Variants in BRD9 observed in about 807,000 individuals in gnomAD.
BRD9 encodes bromodomain containing 9, also known as bromodomain-containing protein 9.
BRD9 carries 47 observed loss-of-function variants against 68.7 expected under a neutral mutation model. The ratio of observed to expected loss-of-function variants is 0.68; its 90% CI spans 0.54 to 0.87. The LOEUF (loss-of-function observed/expected upper bound fraction) is 0.87. BRD9 is among the 40% of genes least tolerant of loss of function. The pLI is 0.00. For missense variants in BRD9, 670 were observed against 748.4 expected (o/e 0.90, Z 1.22); for synonymous variants, 313 against 293.9 (o/e 1.06, Z -0.67).
At chr5:876,820 A>G (rs372278496) in intron 11 of BRD9, among the ~76,000 whole-genome samples, 1 of 152,236 alleles carries the variant, frequency 6.6e-6, no homozygotes, top group East Asian at 1.9e-4. Context: ...GCTGCTGGTC[A>G]GAAGCTGAAC....
chr5:871,377 G>A (rs371324170), intron 13 of BRD9, 149 bp downstream of exon 13: 13 of 733,016 alleles, frequency 1.8e-5, no homozygotes, highest in East Asian at 1.5e-4. Flanking sequence ...CATGAAAAGA[G>A]GAGGAGAAAC....
intron 12 of BRD9, among the ~76,000 whole-genome samples, chr5:875,697 T>C (rs1750802176): frequency 6.6e-6 from 1 of 151,830 alleles, no homozygotes; most frequent in Non-Finnish European, 1.5e-5. Context: ...TTACAGTAGA[T>C]GGGAAAAAAG....
intron 7 of BRD9, among the ~76,000 whole-genome samples, chr5:885,031 A>G (rs1248953328): frequency 6.6e-6 from 1 of 152,228 alleles, no homozygotes; most frequent in Non-Finnish European, 1.5e-5. Context: ...TGGGTCTGCC[A>G]GGACACAACC....
At chr5:877,162 G>C (rs1041302160) in intron 11 of BRD9, among the ~76,000 whole-genome samples, 7 of 152,224 alleles carry the variant, frequency 4.6e-5, no homozygotes, top group African/African-American at 1.7e-4. Flanking sequence ...ATGGACAACA[G>C]GTGACTGATG....
At chr5:876,268 G>C in intron 11 of BRD9, 56 bp from the exon 12 acceptor site, 1 of 1,377,826 alleles carries the variant, frequency 7.3e-7, no homozygotes, top group Non-Finnish European at 1.0e-6. Context: ...CCTGGCCCTC[G>C]CGGCAGCCCT....
chr5:870,727 T>C, intron 13 of BRD9, 152 bp from the exon 14 acceptor site: 1 of 593,918 alleles, frequency 1.7e-6, no homozygotes, highest in Non-Finnish European at 3.0e-6. Context: ...TCACTGAGGC[T>C]GCTGTTCAAG....
rs768288964 is a variant in BRD9 at position 891,623 on chromosome 5, C to G, written c.267+17G>C. 1 of 1,549,594 alleles carries G rather than the reference C, an allele frequency of 6.5e-7. No individual in the cohort carries two copies. The highest frequency in any genetic ancestry group is 8.7e-7 in the Non-Finnish European group (1 of 1,146,866). The stretch of plus-strand genomic sequence containing the variant: ...TCCTCGTGGGCAGCGTCCGGGCCAC[C>G]GCCGCTGCTCCTTTACCTTTCGCTT... On this transcript the variant is annotated intron_variant, in intron 2 of 15. Coordinates refer to ENST00000467963, the MANE Select transcript of BRD9 (RefSeq NM_023924.5).
rs745804490 is a variant in BRD9 at position 887,484 on chromosome 5, C to G, written c.607-13G>C. 1.9e-6 allele frequency: 3 copies of G among 1,596,424 alleles called. No homozygotes were observed. Among genetic ancestry groups the G allele is most frequent in the East Asian group, 4.5e-5 (2 of 44,768 alleles). Reference sequence around the variant, plus strand: ...GCTTGAAATCTGCCTGAAAAGAAAACAGGAAAGACTTATCAGGTTTGAAAT... The same window carrying G: ...GCTTGAAATCTGCCTGAAAAGAAAAGAGGAAAGACTTATCAGGTTTGAAAT... On this transcript the variant is annotated splice_polypyrimidine_tract_variant and intron_variant, in intron 5 of 15. Transcript: ENST00000467963.
At chr5:884,132 A>G in intron 7 of BRD9, 62 bp from the exon 8 acceptor site, 1 of 1,579,840 alleles carries the variant, frequency 6.3e-7, no homozygotes, top group East Asian at 2.3e-5. Flanking sequence ...CCTGCTCCCC[A>G]TGCGTCGGCA....
At chr5:872,012 G>A (rs1475345574) in intron 12 of BRD9, among the ~76,000 whole-genome samples, 1 of 152,306 alleles carries the variant, frequency 6.6e-6, no homozygotes, top group East Asian at 1.9e-4. Flanking sequence ...AGCAAAGGAG[G>A]CAGACACCTC....
intron 7 of BRD9, among the ~76,000 whole-genome samples, chr5:884,888 G>C (rs535099381): frequency 6.6e-6 from 1 of 152,260 alleles, no homozygotes; most frequent in Non-Finnish European, 1.5e-5. Context: ...TGTGACACTA[G>C]GTGAAGGTGA....
At chr5:886,887 C>A (rs929500119) in intron 6 of BRD9, 180 bp from the exon 7 acceptor site, 1 of 1,118,078 alleles carries the variant, frequency 8.9e-7, no homozygotes, top group South Asian at 1.6e-5. Flanking sequence ...TAACTTTCCA[C>A]GGCGGAGCAG....
intron 3 of BRD9, 148 bp downstream of exon 3, chr5:891,007 G>T: frequency 2.9e-6 from 3 of 1,026,474 alleles, no homozygotes; most frequent in Admixed American, 3.3e-5. Flanking sequence ...GGAAACCTCA[G>T]GCCAGAGGAC....
rs765231128 is a variant in BRD9 at position 891,262 on chromosome 5, C to G, written c.293G>C (p.Arg98Thr). 5 of 1,551,668 alleles carry G rather than the reference C, an allele frequency of 3.2e-6. No homozygotes were observed. Among genetic ancestry groups the G allele is most frequent in the Middle Eastern group, 1.7e-4 (1 of 6,016 alleles). ...RKEEKKRKRE[R>T]EHCDTEGEAD... ...CTCTCCCTCCGTGTCACAGTGCTCC[C>G]TCTCTCGCTTCCGCTTCTTCTCTTC... The change falls in exon 3 of 16, where the codon AGG becomes ACG. Residue 98 changes from arginine (R) to threonine (T), a missense_variant. Physicochemically the swap from Arg to Thr is moderately conservative, Grantham distance 71 (BLOSUM62 -1). Transcript: ENST00000467963.
At chr5:883,914 C>T (rs777635521) in intron 8 of BRD9, 24 bp downstream of exon 8, 4 of 1,604,652 alleles carry the variant, frequency 2.5e-6, no homozygotes, top group African/African-American at 1.3e-5. Context: ...GTGGCACCCT[C>T]TCTCGGTGGC....
intron 5 of BRD9, among the ~76,000 whole-genome samples, 168 bp from the exon 6 acceptor site, chr5:887,639 C>T (rs577055055): frequency 1.3e-5 from 2 of 152,316 alleles, no homozygotes; most frequent in East Asian, 3.9e-4. Flanking sequence ...GAGAAGTTTT[C>T]TTAGTTGCAC....
chr5:881,412 G>A (rs1038255697), intron 8 of BRD9: 2 of 575,192 alleles, frequency 3.5e-6, no homozygotes, highest in South Asian at 2.1e-5. Context: ...TGCTATAGGG[G>A]GTACAGCTGA....
intron 8 of BRD9, chr5:883,155 C>G (rs1014457886): frequency 5.4e-6 from 2 of 368,922 alleles, no homozygotes; most frequent in Middle Eastern, 7.2e-4. Context: ...AACTTCCCAG[C>G]AGGCACAGGC....
chr5:889,884 C>T (rs978117108), intron 3 of BRD9: 2 of 687,822 alleles, frequency 2.9e-6, no homozygotes, highest in Non-Finnish European at 4.7e-6. Context: ...GTAGCCCTTA[C>T]ATCAACAATA....
Sources: gnomAD v4.1 joint callset for allele counts (sites outside exome capture counted in the v4.1 genomes callset) on GRCh38, gnomAD v4.1.1 for gene constraint, MANE v1.5 for transcripts, NCBI Gene and HGNC (gene_info 2026-07-23, HGNC 2026-07-21) for gene names.